PPCDC: variants seen among roughly 807,000 people sequenced by gnomAD.
The protein encoded by PPCDC is phosphopantothenoylcysteine decarboxylase.
PPCDC carries 20 observed loss-of-function variants against 20.7 expected under a neutral mutation model. The ratio of observed to expected loss-of-function variants is 0.97; its 90% CI spans 0.68 to 1.41. PPCDC has a LOEUF of 1.41. Ranked by LOEUF, PPCDC falls within the 40% of genes most tolerant of loss-of-function variation. The pLI, the probability that PPCDC is intolerant of heterozygous loss-of-function variation, is 0.00. For synonymous variants in PPCDC, 88 were observed against 100.3 expected (o/e 0.88, Z 0.73); for missense variants, 246 against 263.8 (o/e 0.93, Z 0.47).
intron 2 of PPCDC, among the ~76,000 whole-genome samples, chr15:75,039,444 G>A (rs1403708668): frequency 1.3e-5 from 2 of 152,258 alleles, no homozygotes; most frequent in African/African-American, 4.8e-5. Flanking sequence ...ACTCTGCAAG[G>A]GTAGTATGTT....
intron 4 of PPCDC, chr15:75,045,034 T>C: frequency 6.3e-6 from 1 of 157,886 alleles, no homozygotes; most frequent in Admixed American, 6.0e-5. Flanking sequence ...GACGGGGCAG[T>C]GGCGAGAGCC....
intron 4 of PPCDC, 44 bp downstream of exon 4, chr15:75,044,558 C>T: frequency 6.3e-7 from 1 of 1,595,600 alleles, no homozygotes; most frequent in Admixed American, 1.7e-5. Flanking sequence ...GGGCCTCACA[C>T]CCAGTTTGCT....
intron 1 of PPCDC, among the ~76,000 whole-genome samples, chr15:75,026,491 C>G (rs1032294420): frequency 1.4e-4 from 22 of 152,336 alleles, no homozygotes; most frequent in African/African-American, 4.6e-4. Flanking sequence ...AGGGAACCAG[C>G]CTGTGCTTAA....
At chr15:75,043,887 C>T (rs1324453703) in intron 3 of PPCDC, among the ~76,000 whole-genome samples, 2 of 152,190 alleles carry the variant, frequency 1.3e-5, no homozygotes, top group Non-Finnish European at 2.9e-5. Context: ...TTCCCACGGC[C>T]GCCGGGCTCT....
At chr15:75,043,342 C>A in intron 2 of PPCDC, 99 bp from the exon 3 acceptor site, 2 of 985,602 alleles carry the variant, frequency 2.0e-6, no homozygotes, top group East Asian at 2.7e-5. Flanking sequence ...CCTGTGAAGA[C>A]AGCACCTGCC....
At chr15:75,037,459 G>C (rs2141486607) in intron 2 of PPCDC, among the ~76,000 whole-genome samples, 1 of 152,284 alleles carries the variant, frequency 6.6e-6, no homozygotes, top group African/African-American at 2.4e-5. Context: ...AAGAAGAAAT[G>C]GGAGGGGCTG....
intron 2 of PPCDC, among the ~76,000 whole-genome samples, chr15:75,029,204 CCT>C (rs1168829260): frequency 1.3e-5 from 2 of 152,162 alleles, no homozygotes; most frequent in South Asian, 2.1e-4. Context: ...GGCTGGCTGC[CCT>C]CTCTGCTCCT....
At chr15:75,024,757 C>T (rs561391297) in intron 1 of PPCDC, among the ~76,000 whole-genome samples, 1 of 151,000 alleles carries the variant, frequency 6.6e-6, no homozygotes, top group Non-Finnish European at 1.5e-5. Flanking sequence ...ACTGCATCTT[C>T]GAACTCCCTG....
intron 2 of PPCDC, among the ~76,000 whole-genome samples, chr15:75,032,481 G>A (rs1595900885): frequency 6.6e-6 from 1 of 152,318 alleles, no homozygotes; most frequent in African/African-American, 2.4e-5. Context: ...ATTAAACTCT[G>A]TGGGGTGTAT....
chr15:75,042,425 T>C (rs1468892612), intron 2 of PPCDC, among the ~76,000 whole-genome samples: 1 of 151,456 alleles, frequency 6.6e-6, no homozygotes, highest in African/African-American at 2.4e-5. Flanking sequence ...CTGGGGCGGG[T>C]GGATCACCTG....
chr15:75,046,710 G>C (rs2066239212), intron 4 of PPCDC, among the ~76,000 whole-genome samples: 1 of 152,262 alleles, frequency 6.6e-6, no homozygotes, highest in Non-Finnish European at 1.5e-5. Flanking sequence ...CTACATCCCT[G>C]AAAGGAAGTT....
At chr15:75,045,556 A>G (rs2066221375) in intron 4 of PPCDC, among the ~76,000 whole-genome samples, 1 of 152,148 alleles carries the variant, frequency 6.6e-6, no homozygotes, top group South Asian at 2.1e-4. Context: ...CTGGGACAGG[A>G]TGTTTTTTGG....
intron 2 of PPCDC, 129 bp from the exon 3 acceptor site, chr15:75,043,312 G>A (rs1466496652): frequency 2.9e-6 from 2 of 700,246 alleles, no homozygotes; most frequent in Admixed American, 5.4e-5. Flanking sequence ...GCTAAGGAGG[G>A]AAGTCCTCTC....
At chr15:75,048,449 C>G in intron 4 of PPCDC, 104 bp from the exon 5 acceptor site, 1 of 1,458,368 alleles carries the variant, frequency 6.9e-7, no homozygotes. Context: ...TGTGCCCAGT[C>G]ATCTCAAGCC....
chr15:75,023,765 G>A (rs560236841), intron 1 of PPCDC, 139 bp downstream of exon 1: 1 of 152,602 alleles, frequency 6.6e-6, no homozygotes, highest in South Asian at 2.1e-4. Context: ...ATGAAGCTCT[G>A]TTTGCGACTG....
chr15:75,033,475 A>G (rs1413489642), intron 2 of PPCDC, among the ~76,000 whole-genome samples: 1 of 151,820 alleles, frequency 6.6e-6, no homozygotes, highest in African/African-American at 2.4e-5. Flanking sequence ...CATTCTGTTC[A>G]GTTTTAATTT....
intron 2 of PPCDC, among the ~76,000 whole-genome samples, chr15:75,030,312 G>T (rs2066006480): frequency 6.6e-6 from 1 of 152,254 alleles, no homozygotes; most frequent in African/African-American, 2.4e-5. Flanking sequence ...TCAGCACAGA[G>T]CCTGGCATGT....
chr15:75,047,993 G>A (rs1377143155), intron 4 of PPCDC, among the ~76,000 whole-genome samples: 1 of 152,204 alleles, frequency 6.6e-6, no homozygotes, highest in African/African-American at 2.4e-5. Flanking sequence ...TTGTCCGGGT[G>A]TGGGCGTGGA....
At chr15:75,028,057 A>G in intron 1 of PPCDC, 190 bp from the exon 2 acceptor site, 1 of 486,360 alleles carries the variant, frequency 2.1e-6, no homozygotes, top group Non-Finnish European at 3.7e-6. Context: ...ACAGCACTGC[A>G]TCATTCCCTT....
Sources: gnomAD v4.1 joint callset for allele counts (sites outside exome capture counted in the v4.1 genomes callset) on GRCh38, gnomAD v4.1.1 for gene constraint, MANE v1.5 for transcripts, NCBI Gene and HGNC (gene_info 2026-07-23, HGNC 2026-07-21) for gene names.